EXOC3L2: variants seen among roughly 807,000 people sequenced by gnomAD.
EXOC3L2 encodes exocyst complex component 3-like protein 2.
A neutral mutation model predicts 44.4 loss-of-function variants in EXOC3L2; 17 were observed. The observed-to-expected ratio is 0.38, with a 90% CI of 0.26 to 0.57. EXOC3L2 has a LOEUF of 0.57. Among genes scored for constraint, EXOC3L2 ranks in the 20% least tolerant of loss-of-function variants. The probability of loss-of-function intolerance (pLI) is 0.65; values close to 1 mark genes in which losing one functional copy is unlikely to be tolerated. For missense variants in EXOC3L2, 541 were observed against 588.4 expected (o/e 0.92, Z 0.83); for synonymous variants, 256 against 253.7 (o/e 1.01, Z -0.09).
In EXOC3L2 at chr19:45,234,342, G is replaced by A. The variant is rs1171025029; in HGVS notation, c.1008C>T (p.Pro336=). The A allele has an allele frequency of 5.5e-6, 2 of 364,558 alleles. No homozygotes were observed. Among genetic ancestry groups the A allele is most frequent in the Admixed American group, 9.3e-5 (2 of 21,506 alleles). The allele number at this position is 364,558 out of a possible 1,614,324, so 22.6% of individuals were successfully genotyped here. Residue 336 remains proline, a synonymous_variant, in exon 3 of 12, where the codon CCC becomes CCT. Coordinates refer to ENST00000413988, the MANE Select transcript of EXOC3L2 (RefSeq NM_001382422.1). This position sits in a 1 kb window ranked among gnomAD's most constrained non-coding sequence, Gnocchi z 5.0. ...AGGCGCCCAGGCCGGCGGGGTAGGC[G>A]GGCGCCAGGCGGCCCCGCACCACGG... ...DMAVVRGRLA[P]AYPAGLGAFG... is the part of the protein sequence containing the mutation.
intron 8 of EXOC3L2, among the ~76,000 whole-genome samples, chr19:45,222,641 C>T (rs1205375277): frequency 6.6e-6 from 1 of 152,078 alleles, no homozygotes; most frequent in African/African-American, 2.4e-5. Flanking sequence ...TCTCTCTCTC[C>T]CTCAAAACAT....
At chr19:45,235,020 G>C (rs1218710521) in intron 2 of EXOC3L2, among the ~76,000 whole-genome samples, 194 bp from the exon 3 acceptor site, 1 of 152,154 alleles carries the variant, frequency 6.6e-6, no homozygotes, top group Non-Finnish European at 1.5e-5. Context: ...TAGGGGAGGG[G>C]TCAGGGTGAG....
At chr19:45,242,426 T>G (rs1970137950) in intron 1 of EXOC3L2, among the ~76,000 whole-genome samples, 1 of 152,150 alleles carries the variant, frequency 6.6e-6, no homozygotes, top group Admixed American at 6.5e-5. Context: ...TATTGTTTAA[T>G]TTTTTGTTAT....
At chr19:45,243,547 G>A (rs1460881157) in intron 1 of EXOC3L2, among the ~76,000 whole-genome samples, 2 of 152,150 alleles carry the variant, frequency 1.3e-5, no homozygotes, top group Non-Finnish European at 2.9e-5. Context: ...TCACCATGAC[G>A]ACCCCTTGCC....
chr19:45,237,003 T>C (rs529243306), intron 2 of EXOC3L2, among the ~76,000 whole-genome samples: 1 of 136,654 alleles, frequency 7.3e-6, no homozygotes, highest in Non-Finnish European at 1.5e-5. Flanking sequence ...AGACCCTGTC[T>C]CAAAGGAAAA....
intron 4 of EXOC3L2, among the ~76,000 whole-genome samples, chr19:45,231,022 G>C (rs907868318): frequency 2.0e-5 from 3 of 151,960 alleles, no homozygotes; most frequent in Non-Finnish European, 4.4e-5. Context: ...CCAGGAGTTC[G>C]AGGCTGTAGT....
chr19:45,217,971 ACCCC>A (rs1969854960), intron 9 of EXOC3L2, among the ~76,000 whole-genome samples: 1 of 151,120 alleles, frequency 6.6e-6, no homozygotes, highest in Non-Finnish European at 1.5e-5. Context: ...CTCAGTCTGC[ACCCC>A]GCCTTACACC....
intron 2 of EXOC3L2, among the ~76,000 whole-genome samples, chr19:45,235,758 C>G (rs1970078331): frequency 6.6e-6 from 1 of 152,200 alleles, no homozygotes; most frequent in Non-Finnish European, 1.5e-5. Flanking sequence ...TAGTCACCCC[C>G]TCCTCACCTC....
At chr19:45,230,954 T>G (rs1599766157) in intron 4 of EXOC3L2, among the ~76,000 whole-genome samples, 1 of 151,494 alleles carries the variant, frequency 6.6e-6, no homozygotes, top group South Asian at 2.1e-4. Flanking sequence ...CCAGGCATGG[T>G]GGTGTGTGCC....
intron 9 of EXOC3L2, 77 bp from the exon 10 acceptor site, chr19:45,217,760 C>T: frequency 1.5e-6 from 2 of 1,371,324 alleles, no homozygotes; most frequent in South Asian, 1.7e-5. Context: ...TGAAGGCCAC[C>T]CCCGCCCCAC....
chr19:45,228,560 T>A (rs548089314), intron 4 of EXOC3L2, among the ~76,000 whole-genome samples: 1 of 152,076 alleles, frequency 6.6e-6, no homozygotes, highest in East Asian at 1.9e-4. Flanking sequence ...TCACCTAAGG[T>A]CAACAGTTCA....
At chr19:45,224,250 G>T (rs892275479) in intron 8 of EXOC3L2, among the ~76,000 whole-genome samples, 2 of 152,126 alleles carry the variant, frequency 1.3e-5, no homozygotes, top group African/African-American at 2.4e-5. Context: ...GTGCCGGGTT[G>T]TGGGGGCTAC....
chr19:45,213,181 C>G lies in EXOC3L2; in HGVS notation c.2297G>C (p.Ser766Thr). 6.2e-7 allele frequency: 1 copy of G among 1,604,978 alleles called. No homozygotes were observed. Among genetic ancestry groups the G allele is most frequent in the Non-Finnish European group, 8.5e-7 (1 of 1,175,638 alleles). Reference protein sequence around the residue: ...IPVPRPSFCLSLPLFLGRLPL... With the variant: ...IPVPRPSFCLTLPLFLGRLPL... ...GAGGCGGCCCAGGAAGAGAGGGAGG[C>G]TGAGACAGAAAGATGGGCGGGGCAC... Residue 766 changes from serine to threonine, a missense_variant, in exon 12 of 12, where the codon AGC (serine) becomes ACC (threonine). Physicochemically the swap from Ser to Thr is moderately conservative, Grantham distance 58. Transcript: ENST00000413988.
Position 45,227,995 on chromosome 19 carries a change from C to T in EXOC3L2, c.1451G>A (p.Gly484Glu). ...CTACCTCTGCAGGAACTCTGCCAGC[C>T]CGCCTAGGCAGCAGTGGGCCATCCG... ...GERMAHCCLG[G>E]LAEFLQSFQQ... Residue 484 changes from glycine to glutamate, a missense_variant, in exon 6 of 12, where the codon GGG becomes GAG. Transcript: ENST00000413988. 4 of 1,613,894 alleles carry T rather than the reference C, an allele frequency of 2.5e-6. No individual in the cohort carries two copies. Among genetic ancestry groups the T allele is most frequent in the Non-Finnish European group, 3.4e-6 (4 of 1,180,034 alleles).
At chr19:45,243,937 T>C (rs1364963092) in intron 1 of EXOC3L2, among the ~76,000 whole-genome samples, 1 of 150,826 alleles carries the variant, frequency 6.6e-6, no homozygotes, top group African/African-American at 2.4e-5. Context: ...CCTTCTCTTT[T>C]ATTTTTTAGA....
At chr19:45,244,894 A>G (rs556501909) in intron 1 of EXOC3L2, among the ~76,000 whole-genome samples, 54 of 149,434 alleles carry the variant, frequency 3.6e-4, no homozygotes, top group African/African-American at 1.2e-3. Flanking sequence ...TCCAATCCCA[A>G]CCTGATCTCG....
Position 45,217,511 on chromosome 19 carries a change from C to A in EXOC3L2, c.1998+17G>T. 2 of 1,564,990 alleles carry A rather than the reference C, an allele frequency of 1.3e-6. No individual in the cohort carries two copies. The highest frequency in any genetic ancestry group is 2.4e-5 in the East Asian group (1 of 40,972). On this transcript the variant is annotated intron_variant, in intron 10 of 11. Transcript: ENST00000413988. The stretch of plus-strand genomic sequence containing the variant: ...TCCTGGTTTCTGAAACACCCCCAAC[C>A]GCGTCCCGACACTGACCAGCCGCCG...
chr19:45,220,065 C>T lies in EXOC3L2; in HGVS notation c.1720-1746G>A, dbSNP rs529228507. On this transcript the variant is annotated intron_variant, in intron 8 of 11. Transcript: ENST00000413988. Reference sequence around the variant, plus strand: ...GTGGGCGCCTGTAATCCCAGCTACTCGGGAGGCTGAGGCAGTAGAATCTCT... The same window carrying T: ...GTGGGCGCCTGTAATCCCAGCTACTTGGGAGGCTGAGGCAGTAGAATCTCT... 1.9e-4 allele frequency among the ~76,000 whole-genome samples: 29 copies of T among 152,070 alleles called. 1 individual carries two copies. Among genetic ancestry groups the T allele is most frequent in the Admixed American group, 5.9e-4 (9 of 15,262 alleles).
At chr19:45,235,083 T>C (rs1471313259) in intron 2 of EXOC3L2, among the ~76,000 whole-genome samples, 1 of 152,030 alleles carries the variant, frequency 6.6e-6, no homozygotes, top group African/African-American at 2.4e-5. Flanking sequence ...GGCGGATCAC[T>C]TGAGGTCAGG....
Sources: allele counts gnomAD v4.1 joint callset (sites outside exome capture counted in the v4.1 genomes callset), GRCh38; gene constraint gnomAD v4.1.1; non-coding constraint Gnocchi (gnomAD v3.1); transcripts MANE v1.5; gene names NCBI Gene and HGNC (gene_info 2026-07-23, HGNC 2026-07-21).